The following CNTNAP5 variants were observed in gnomAD, a reference collection of about 807,000 sequenced individuals.
CNTNAP5 encodes the protein contactin associated protein family member 5, also known as contactin-associated protein-like 5.
A neutral mutation model predicts 150.2 loss-of-function variants in CNTNAP5; 72 were observed. The ratio of observed to expected loss-of-function variants is 0.48; its 90% CI spans 0.40 to 0.58. The LOEUF (loss-of-function observed/expected upper bound fraction) is 0.58. Ranked by LOEUF, CNTNAP5 falls within the 20% of genes least tolerant of loss-of-function variation. The pLI is 0.00. For missense variants in CNTNAP5, 1,636 were observed against 1,626.2 expected, an observed-to-expected ratio of 1.01 and a Z score of -0.10; for synonymous variants, 672 against 619.8, an observed-to-expected ratio of 1.08 and a Z score of -1.25.
In CNTNAP5 at chr2:124,917,647, T is replaced by A. The variant is rs1310892446; in HGVS notation, c.*3359T>A. Among the ~76,000 whole-genome samples the A allele has an allele frequency of 6.6e-6, 1 of 152,086 alleles. No homozygotes were observed. The highest frequency in any genetic ancestry group is 6.6e-5 in the Admixed American group (1 of 15,236). On this transcript the variant is annotated 3_prime_UTR_variant, in exon 24 of 24. Coordinates refer to ENST00000682447, the MANE Select transcript of CNTNAP5 (RefSeq NM_001367498.1). ...TGTCAGACTCATCTCCACCAACGGG[T>A]AGCAAGAGCAGGATAGAACAAAATA...
chr2:124,694,585 T>C (rs940489856), intron 13 of CNTNAP5, among the ~76,000 whole-genome samples: 2 of 152,200 alleles, frequency 1.3e-5, no homozygotes, highest in Non-Finnish European at 2.9e-5. Context: ...TTAGTGTCCC[T>C]AGTGTTTTAA....
chr2:124,241,905 A>G (rs544956992), intron 2 of CNTNAP5, among the ~76,000 whole-genome samples: 2 of 152,316 alleles, frequency 1.3e-5, no homozygotes, highest in East Asian at 3.9e-4. Flanking sequence ...AGAAATAAAT[A>G]AAACAAATGT....
chr2:124,704,699 G>A (rs969776510), intron 13 of CNTNAP5, among the ~76,000 whole-genome samples: 5 of 152,002 alleles, frequency 3.3e-5, no homozygotes, highest in East Asian at 3.9e-4. Flanking sequence ...CTATTTCCTG[G>A]TTACAGTGGT....
intron 11 of CNTNAP5, among the ~76,000 whole-genome samples, chr2:124,564,149 A>T (rs1443277674): frequency 6.6e-6 from 1 of 152,170 alleles, no homozygotes; most frequent in Non-Finnish European, 1.5e-5. Flanking sequence ...AAGCAAAGAA[A>T]CAAATGGAGA....
intron 13 of CNTNAP5, among the ~76,000 whole-genome samples, chr2:124,654,963 T>TTTA (rs898505142): frequency 1.3e-5 from 2 of 151,854 alleles, no homozygotes; most frequent in East Asian, 1.9e-4. Context: ...CTATCATCTT[T>TTTA]TTATTATTAT....
intron 3 of CNTNAP5, among the ~76,000 whole-genome samples, chr2:124,310,048 A>T (rs1688786262): frequency 1.4e-5 from 2 of 146,612 alleles, no homozygotes; most frequent in South Asian, 4.2e-4. Context: ...CGAGGCCTGA[A>T]TCTCTTACCT....
chr2:124,043,940 T>C (rs1321800373), intron 1 of CNTNAP5, among the ~76,000 whole-genome samples: 1 of 152,214 alleles, frequency 6.6e-6, no homozygotes, highest in Non-Finnish European at 1.5e-5. Flanking sequence ...CTTACCTTTA[T>C]CTGCCCAGAT....
chr2:124,306,010 C>A (rs1688681640), intron 3 of CNTNAP5, among the ~76,000 whole-genome samples: 1 of 152,132 alleles, frequency 6.6e-6, no homozygotes, highest in African/African-American at 2.4e-5. Flanking sequence ...AAACTAATTT[C>A]CAGTTCTTTG....
At chr2:124,541,436 A>G (rs1384502562) in intron 10 of CNTNAP5, among the ~76,000 whole-genome samples, 1 of 152,022 alleles carries the variant, frequency 6.6e-6, no homozygotes, top group Admixed American at 6.6e-5. Flanking sequence ...AAGTCAGCCT[A>G]CTCAAAATAA....
chr2:124,074,447 A>G (rs1161149309), intron 1 of CNTNAP5, among the ~76,000 whole-genome samples: 1 of 152,170 alleles, frequency 6.6e-6, no homozygotes, highest in African/African-American at 2.4e-5. Flanking sequence ...AAAGTATCTC[A>G]TGTACCCCAT....
intron 1 of CNTNAP5, among the ~76,000 whole-genome samples, chr2:124,059,607 T>A (rs1036322919): frequency 7.6e-6 from 1 of 132,010 alleles, no homozygotes; most frequent in Non-Finnish European, 1.7e-5. Context: ...ATAACTGCAT[T>A]TTCTTTTTTT....
chr2:124,084,072 GT>G (rs1682622510), intron 1 of CNTNAP5, among the ~76,000 whole-genome samples: 1 of 151,734 alleles, frequency 6.6e-6, no homozygotes, highest in Non-Finnish European at 1.5e-5. Context: ...GTGTTTTGTA[GT>G]TTTTAGCATA....
chr2:124,636,555 A>C (rs1374274225), intron 12 of CNTNAP5, among the ~76,000 whole-genome samples: 2 of 152,132 alleles, frequency 1.3e-5, no homozygotes, highest in Non-Finnish European at 2.9e-5. Context: ...CCATAATGTA[A>C]ATGGTTAAAT....
At chr2:124,082,777 G>A (rs936621248) in intron 1 of CNTNAP5, among the ~76,000 whole-genome samples, 40 of 152,156 alleles carry the variant, frequency 2.6e-4, no homozygotes, top group African/African-American at 9.4e-4. Flanking sequence ...AGCAATGTAT[G>A]AATGATCCAC....
intron 3 of CNTNAP5, among the ~76,000 whole-genome samples, chr2:124,281,656 T>C (rs1688014497): frequency 6.6e-6 from 1 of 152,184 alleles, no homozygotes; most frequent in Non-Finnish European, 1.5e-5. Flanking sequence ...TTGAGGAAAC[T>C]TGGCAAATGT....
intron 13 of CNTNAP5, among the ~76,000 whole-genome samples, chr2:124,651,560 C>T (rs1008587522): frequency 5.9e-5 from 9 of 152,128 alleles, no homozygotes; most frequent in African/African-American, 1.7e-4. Flanking sequence ...TGTTTAATGC[C>T]ACACAGAAAG....
intron 13 of CNTNAP5, among the ~76,000 whole-genome samples, chr2:124,689,593 G>A (rs1405592469): frequency 2.0e-5 from 3 of 152,062 alleles, no homozygotes; most frequent in Admixed American, 2.0e-4. Context: ...TTATATCTGT[G>A]TATATGCATG....
intron 1 of CNTNAP5, among the ~76,000 whole-genome samples, chr2:124,068,789 C>T (rs931514051): frequency 6.6e-6 from 1 of 151,808 alleles, no homozygotes; most frequent in African/African-American, 2.4e-5. Flanking sequence ...GATACAACAC[C>T]AGGCAGAGTT....
Position 124,504,472 on chromosome 2 carries a change from G to C in CNTNAP5, c.1243G>C (p.Gly415Arg), listed in dbSNP as rs777319477. Reference sequence around the variant, plus strand: ...GTCCACAGAGCTGTCTGAGGGCTCGGGAACCCTGCTGCTGAGCCTGGAGGG... The same window carrying C: ...GTCCACAGAGCTGTCTGAGGGCTCGCGAACCCTGCTGCTGAGCCTGGAGGG... ...LLSTELSEGS[G>R]TLLLSLEGGI... Residue 415 changes from glycine (G) to arginine (R), a missense_variant, in exon 8 of 24, where the codon GGA (glycine) becomes CGA (arginine). By Grantham distance (125) the Gly-to-Arg change is moderately radical. Coordinates refer to ENST00000682447, the MANE Select transcript of CNTNAP5 (RefSeq NM_001367498.1). The C allele has an allele frequency of 6.2e-7, 1 of 1,613,820 alleles. No individual in the cohort carries two copies. Among genetic ancestry groups the C allele is most frequent in the East Asian group, 2.2e-5 (1 of 44,828 alleles).
Sources: gnomAD v4.1 joint callset for allele counts (sites outside exome capture counted in the v4.1 genomes callset) on GRCh38, gnomAD v4.1.1 for gene constraint, MANE v1.5 for transcripts, NCBI Gene and HGNC (gene_info 2026-07-23, HGNC 2026-07-21) for gene names.